MARCHF1: variants seen among roughly 807,000 people sequenced by gnomAD.
The protein encoded by MARCHF1 is membrane associated ring-CH-type finger 1, also known as E3 ubiquitin-protein ligase MARCHF1.
A neutral mutation model predicts 54.2 loss-of-function variants in MARCHF1; 40 were observed. That is an observed-to-expected ratio of 0.74 (90% CI 0.57 to 0.96). The LOEUF (loss-of-function observed/expected upper bound fraction) is 0.96. Among genes scored for constraint, MARCHF1 ranks in the 40% least tolerant of loss-of-function variants. The probability of loss-of-function intolerance (pLI) is 0.00; values close to 1 mark genes in which losing one functional copy is unlikely to be tolerated. For missense variants in MARCHF1, 586 were observed against 656.5 expected (o/e 0.89, Z 1.17); for synonymous variants, 236 against 236.3 (o/e 1.00, Z 0.01).
chr4:163,651,360 T>G (rs1260317877), intron 5 of MARCHF1, among the ~76,000 whole-genome samples: 1 of 151,878 alleles, frequency 6.6e-6, no homozygotes, highest in African/African-American at 2.4e-5. Flanking sequence ...CAACCAGTCC[T>G]AGTACTTTCT....
intron 2 of MARCHF1, among the ~76,000 whole-genome samples, chr4:164,089,273 C>T (rs1425439074): frequency 2.0e-5 from 3 of 152,004 alleles, no homozygotes; most frequent in African/African-American, 4.8e-5. Context: ...TTTTGGTATA[C>T]ATATGAAAGA....
chr4:163,753,253 CT>C (rs1454594662), intron 4 of MARCHF1, among the ~76,000 whole-genome samples: 2 of 151,436 alleles, frequency 1.3e-5, no homozygotes, highest in Middle Eastern at 3.4e-3. Flanking sequence ...CCTACGATTG[CT>C]TTTTTTTCTA....
rs1293902158 is a variant in MARCHF1, at chr4:163,553,369, T to A, written c.1192-7626A>T. 2.0e-5 allele frequency among the ~76,000 whole-genome samples: 3 copies of A among 152,194 alleles called. No homozygotes were observed. In the South Asian group the frequency reaches 6.2e-4, roughly 32 times the overall value. Reference sequence around the variant, plus strand: ...TGATAACATCTCTGAGGAATGAAGATGAGATTTGTTCAGGCAGAATTAAGT... The same window carrying A: ...TGATAACATCTCTGAGGAATGAAGAAGAGATTTGTTCAGGCAGAATTAAGT... On this transcript the variant is annotated intron_variant, in intron 8 of 9. Transcript: ENST00000514618.
intron 8 of MARCHF1, among the ~76,000 whole-genome samples, chr4:163,570,978 A>C (rs1739825482): frequency 1.3e-5 from 2 of 152,248 alleles, no homozygotes; most frequent in South Asian, 4.1e-4. Flanking sequence ...TGGACTAAGC[A>C]GATCTCTACA....
chr4:163,979,592 G>A (rs1344764729), intron 3 of MARCHF1, among the ~76,000 whole-genome samples: 37 of 151,014 alleles, frequency 2.5e-4, no homozygotes, highest in African/African-American at 6.8e-4. Context: ...CTGAGGAATC[G>A]CCACACTGAC....
intron 2 of MARCHF1, among the ~76,000 whole-genome samples, chr4:164,071,122 A>G (rs1754854723): frequency 6.6e-6 from 1 of 152,226 alleles, no homozygotes; most frequent in South Asian, 2.1e-4. Flanking sequence ...CAGTAGCATG[A>G]AAACAAACTA....
At chr4:163,852,312 C>T (rs1749662820) in intron 4 of MARCHF1, among the ~76,000 whole-genome samples, 1 of 152,098 alleles carries the variant, frequency 6.6e-6, no homozygotes, top group Non-Finnish European at 1.5e-5. Context: ...GGCAGAAAGC[C>T]AGTCCAAAAA....
chr4:163,962,490 G>A (rs1015589353), intron 3 of MARCHF1, among the ~76,000 whole-genome samples: 1 of 151,864 alleles, frequency 6.6e-6, no homozygotes, highest in East Asian at 1.9e-4. Context: ...TTTAAATGGT[G>A]TAAGGAATGA....
Position 164,025,749 on chromosome 4 carries a change from T to C in MARCHF1, c.-247-37040A>G, listed in dbSNP as rs544899907. On this transcript the variant is annotated intron_variant, in intron 2 of 9. Transcript: ENST00000514618. ...AAATTAGAGAGGAACTGAATTAAAT[T>C]GAGAGGCAAAAATCCATGCAAAAGA... Among the ~76,000 whole-genome samples, 46 of 150,128 alleles carry C rather than the reference T, an allele frequency of 3.1e-4. 1 individual carries two copies. Among genetic ancestry groups the C allele is most frequent in the African/African-American group, 1.1e-3 (45 of 41,042 alleles).
intron 2 of MARCHF1, among the ~76,000 whole-genome samples, chr4:164,076,723 G>C (rs1298234496): frequency 6.6e-6 from 1 of 152,146 alleles, no homozygotes; most frequent in African/African-American, 2.4e-5. Context: ...AAAATCACAA[G>C]CATTCCTATA....
intron 4 of MARCHF1, among the ~76,000 whole-genome samples, chr4:163,851,527 C>A (rs553279623): frequency 6.6e-6 from 1 of 152,182 alleles, no homozygotes; most frequent in Non-Finnish European, 1.5e-5. Flanking sequence ...CAATGGCTAA[C>A]CAGAGATCAC....
At chr4:163,937,937 T>C (rs1054712058) in intron 3 of MARCHF1, among the ~76,000 whole-genome samples, 2 of 152,148 alleles carry the variant, frequency 1.3e-5, no homozygotes, top group Non-Finnish European at 2.9e-5. Context: ...TTCCCAGACC[T>C]ATATATCTTG....
At chr4:164,037,304 T>G (rs1451102255) in intron 2 of MARCHF1, among the ~76,000 whole-genome samples, 1 of 152,134 alleles carries the variant, frequency 6.6e-6, no homozygotes, top group Admixed American at 6.6e-5. Context: ...TGCCACTAGC[T>G]TAGGTCATCA....
chr4:164,127,735 T>C (rs1383709943), intron 1 of MARCHF1, among the ~76,000 whole-genome samples: 2 of 152,142 alleles, frequency 1.3e-5, no homozygotes, highest in Non-Finnish European at 2.9e-5. Context: ...AAAATATTTA[T>C]GAAAGATGCA....
At chr4:164,128,895 C>T (rs1364636646) in intron 1 of MARCHF1, among the ~76,000 whole-genome samples, 1 of 152,182 alleles carries the variant, frequency 6.6e-6, no homozygotes, top group Non-Finnish European at 1.5e-5. Context: ...ATACCTCCTA[C>T]TAAGCCAACA....
At chr4:164,196,000 C>T (rs1731245784) in intron 1 of MARCHF1, among the ~76,000 whole-genome samples, 1 of 152,006 alleles carries the variant, frequency 6.6e-6, no homozygotes, top group South Asian at 2.1e-4. Flanking sequence ...AGTTGAAATG[C>T]TGCAATTTTC....
At chr4:164,254,574 T>C (rs896539051) in intron 1 of MARCHF1, among the ~76,000 whole-genome samples, 9 of 151,944 alleles carry the variant, frequency 5.9e-5, no homozygotes, top group African/African-American at 2.2e-4. Context: ...TATATATCTA[T>C]AAAGGGGAGT....
chr4:164,203,181 T>C (rs936940520), intron 1 of MARCHF1, among the ~76,000 whole-genome samples: 2 of 152,092 alleles, frequency 1.3e-5, no homozygotes, highest in Non-Finnish European at 2.9e-5. Context: ...ATTTTAAACA[T>C]TGGCAGACTC....
In MARCHF1 at chr4:164,245,379, G is replaced by A. The variant is rs575363250; in HGVS notation, c.-322-133717C>T. The stretch of plus-strand genomic sequence containing the variant: ...GATTATCTCAATAGATGCAGAAAAG[G>A]CCTCTGACAAAATTCAACGATGCTT... On this transcript the variant is annotated intron_variant, in intron 1 of 9. Transcript: ENST00000514618. Among the ~76,000 whole-genome samples, 429 of 152,276 alleles carry A rather than the reference G, an allele frequency of 2.8e-3. 2 individuals carry two copies. The highest frequency in any genetic ancestry group is 9.6e-3 in the African/African-American group (400 of 41,558).
Sources: gnomAD v4.1 joint callset for allele counts (sites outside exome capture counted in the v4.1 genomes callset) on GRCh38, gnomAD v4.1.1 for gene constraint, MANE v1.5 for transcripts, NCBI Gene and HGNC (gene_info 2026-07-23, HGNC 2026-07-21) for gene names.